The following SIRPA variants were observed in gnomAD, a reference collection of about 807,000 sequenced individuals.
The protein encoded by SIRPA is signal regulatory protein alpha.
In SIRPA, 9 loss-of-function variants were observed where a neutral mutation model predicts 50.3. That is an observed-to-expected ratio of 0.18 (90% CI 0.11 to 0.31). The LOEUF is 0.31. Ranked by LOEUF, SIRPA falls within the 10% of genes least tolerant of loss-of-function variation. SIRPA has a pLI of 1.00. For synonymous variants in SIRPA, 265 were observed against 284.1 expected (o/e 0.93, Z 0.68); for missense variants, 474 against 661.6 (o/e 0.72, Z 3.11).
chr20:1,937,509 G>A lies in SIRPA; in HGVS notation c.1456G>A (p.Ala486Thr), dbSNP rs751040166. ...CCTCAACCGGACCCCCAAGCAGCCG[G>A]CCCCCAAGCCTGAGCCGTCCTTCTC... is the stretch of plus-strand genomic sequence containing the variant. Reference protein sequence around the residue: ...VHLNRTPKQPAPKPEPSFSEY... With the variant: ...VHLNRTPKQPTPKPEPSFSEY... Residue 486 changes from alanine to threonine, a missense_variant, in exon 8 of 8, where the codon GCC becomes ACC. By Grantham distance (58) the Ala-to-Thr change is moderately conservative. Transcript: ENST00000358771. This position sits in a 1 kb window ranked among gnomAD's most constrained non-coding sequence, Gnocchi z 8.3. The A allele has an allele frequency of 5.0e-6, 8 of 1,613,970 alleles. No homozygotes were observed. Among genetic ancestry groups the A allele is most frequent in the East Asian group, 4.5e-5 (2 of 44,870 alleles).
Position 1,934,155 on chromosome 20 carries a change from T to C in SIRPA, c.1227-560T>C, listed in dbSNP as rs1986446310. Among the ~76,000 whole-genome samples, 1 of 152,142 alleles carries C rather than the reference T, an allele frequency of 6.6e-6. No homozygotes were observed. The highest frequency in any genetic ancestry group is 2.1e-4 in the South Asian group (1 of 4,818). On this transcript the variant is annotated intron_variant, in intron 6 of 7. Coordinates refer to ENST00000358771, the MANE Select transcript of SIRPA (RefSeq NM_001040023.2). This position sits in a 1 kb window ranked among gnomAD's most constrained non-coding sequence, Gnocchi z 4.6. ...GCAATTTTAACTTAAAAAAAAAACC[T>C]CCTCATAAACCTTTTAAATCTTTAT...
At chr20:1,901,178 T>G (rs1449663058) in intron 1 of SIRPA, among the ~76,000 whole-genome samples, 1 of 138,956 alleles carries the variant, frequency 7.2e-6, no homozygotes, top group African/African-American at 2.7e-5. Context: ...TTTTTTTTTT[T>G]TTTTTTTTTT....
chr20:1,922,502 G>T lies in SIRPA; in HGVS notation c.944G>T (p.Trp315Leu). Reference sequence around the variant, plus strand: ...GATGGTACCTACAACTGGATGAGCTGGCTCCTGGTGAATGTATCTGCCCAC... The same window carrying T: ...GATGGTACCTACAACTGGATGAGCTTGCTCCTGGTGAATGTATCTGCCCAC... Reference protein sequence around the residue: ...NKDGTYNWMSWLLVNVSAHRD... With the variant: ...NKDGTYNWMSLLLVNVSAHRD... The change falls in exon 4 of 8, where the codon TGG becomes TTG. Residue 315 changes from tryptophan (W) to leucine (L), a missense_variant. Transcript: ENST00000358771. 1 of 1,614,212 alleles carries T rather than the reference G, an allele frequency of 6.2e-7. No homozygotes were observed. The highest frequency in any genetic ancestry group is 2.2e-5 in the East Asian group (1 of 44,874).
chr20:1,929,067 T>C (rs1369672310), intron 6 of SIRPA, among the ~76,000 whole-genome samples: 1 of 152,166 alleles, frequency 6.6e-6, no homozygotes, highest in Admixed American at 6.5e-5. Context: ...GCCAATCTTT[T>C]GATGGTTTAG....
At chr20:1,895,059 CGGT>C (rs1983687819), upstream of SIRPA, among the ~76,000 whole-genome samples, 2 of 150,570 alleles carry the variant, frequency 1.3e-5, no homozygotes, top group Admixed American at 6.6e-5. Flanking sequence ...CGCGGTCTGT[CGGT>C]CTGCGCGCCG....
At chr20:1,903,417 A>T (rs1283167769) in intron 1 of SIRPA, among the ~76,000 whole-genome samples, 1 of 152,220 alleles carries the variant, frequency 6.6e-6, no homozygotes, top group African/African-American at 2.4e-5. Flanking sequence ...TTATGTGCAG[A>T]ACTAGGATTT....
Position 1,934,012 on chromosome 20 carries a change from G to T in SIRPA, c.1227-703G>T. 6.6e-6 allele frequency among the ~76,000 whole-genome samples: 1 copy of T among 152,110 alleles called. No individual in the cohort carries two copies. Among genetic ancestry groups the T allele is most frequent in the South Asian group, 2.1e-4 (1 of 4,824 alleles). ...CTAAAAAGGAGAAAAAAAATACCAT[G>T]CAAAGACCACTGCAGTTTGCATTTT... On this transcript the variant is annotated intron_variant, in intron 6 of 7. Coordinates refer to ENST00000358771, the MANE Select transcript of SIRPA (RefSeq NM_001040023.2). The surrounding 1 kb of genome is among the most constrained non-coding windows in gnomAD (Gnocchi z 4.6).
chr20:1,909,930 T>A (rs987947226), intron 1 of SIRPA, among the ~76,000 whole-genome samples: 2 of 152,186 alleles, frequency 1.3e-5, no homozygotes, highest in Admixed American at 6.5e-5. Context: ...TCAGCCCCCA[T>A]CTTATTGCAT....
At chr20:1,925,781 C>T (rs1985941717) in intron 5 of SIRPA, among the ~76,000 whole-genome samples, 1 of 152,196 alleles carries the variant, frequency 6.6e-6, no homozygotes, top group South Asian at 2.1e-4. Flanking sequence ...GGGTCTGACA[C>T]ATTCTAGGAT....
Position 1,927,603 on chromosome 20 carries a change from C to A in SIRPA, c.1202-272C>A, listed in dbSNP as rs924856785. 1.3e-5 allele frequency among the ~76,000 whole-genome samples: 2 copies of A among 152,160 alleles called. No individual in the cohort carries two copies. Among genetic ancestry groups the A allele is most frequent in the African/African-American group, 4.8e-5 (2 of 41,444 alleles). ...AGGTGAGACCCAGACAGAGGTAGGG[C>A]GGTTGTCGCCTCCCAGGCTGAAGGC... is the stretch of plus-strand genomic sequence containing the variant. On this transcript the variant is annotated intron_variant, in intron 5 of 7. Transcript: ENST00000358771. This position sits in a 1 kb window ranked among gnomAD's most constrained non-coding sequence, Gnocchi z 6.5.
chr20:1,926,604 C>T (rs1167386019), intron 5 of SIRPA, among the ~76,000 whole-genome samples: 2 of 152,210 alleles, frequency 1.3e-5, no homozygotes, highest in African/African-American at 4.8e-5. Flanking sequence ...TCCAATGTGC[C>T]AGGCACTGCT....
chr20:1,926,752 G>A (rs1249236596), intron 5 of SIRPA, among the ~76,000 whole-genome samples: 1 of 152,178 alleles, frequency 6.6e-6, no homozygotes, highest in African/African-American at 2.4e-5. Flanking sequence ...GCCAGGAGGT[G>A]GTGGGGCCAG....
chr20:1,922,608 A>C lies in SIRPA; in HGVS notation c.1050A>C (p.Ser350=). ...GCAAAAGCCATGACCTGAAGGTCTC[A>C]GCCCACCCGAAGGAGCAGGGCTCAA... ...AVSKSHDLKV[S]AHPKEQGSNT... The change falls in exon 4 of 8, where the codon TCA becomes TCC. Residue 350 remains serine (S), a synonymous_variant. Transcript: ENST00000358771. 6.2e-7 allele frequency: 1 copy of C among 1,613,722 alleles called. No individual in the cohort carries two copies. The highest frequency in any genetic ancestry group is 2.2e-5 in the East Asian group (1 of 44,886).
At chr20:1,900,173 T>C (rs1290357610) in intron 1 of SIRPA, among the ~76,000 whole-genome samples, 1 of 150,170 alleles carries the variant, frequency 6.7e-6, no homozygotes, top group Non-Finnish European at 1.5e-5. Flanking sequence ...TGATCTCGGC[T>C]CAACGCAACC....
chr20:1,925,755 G>A (rs1985940193), intron 5 of SIRPA, among the ~76,000 whole-genome samples: 1 of 152,138 alleles, frequency 6.6e-6, no homozygotes, highest in Non-Finnish European at 1.5e-5. Context: ...ATCCAAATAA[G>A]CCCATGTGAA....
intron 2 of SIRPA, among the ~76,000 whole-genome samples, chr20:1,920,460 C>T (rs1392495954): frequency 6.6e-6 from 1 of 152,190 alleles, no homozygotes; most frequent in Non-Finnish European, 1.5e-5. Context: ...CAGGGAGAAA[C>T]AGCCCGCGTT....
intron 1 of SIRPA, among the ~76,000 whole-genome samples, chr20:1,901,163 CTTTTTTTTTTTTT>C (rs869181595): frequency 2.9e-4 from 23 of 78,884 alleles, no homozygotes; most frequent in African/African-American, 9.0e-4. Context: ...TTCTTTCTTT[CTTTTTTTTTTTTT>C]TTTTTTTTTT....
chr20:1,933,090 TGGAGCATGCAAA>T lies in SIRPA; in HGVS notation c.1227-1622_1227-1611del, dbSNP rs1367899305. Among the ~76,000 whole-genome samples, 5 of 152,220 alleles carry T rather than the reference TGGAGCATGCAAA, an allele frequency of 3.3e-5. No homozygotes were observed. The highest frequency in any genetic ancestry group is 7.3e-5 in the Non-Finnish European group (5 of 68,028). On this transcript the variant is annotated intron_variant, in intron 6 of 7. Transcript: ENST00000358771. The surrounding 1 kb of genome is among the most constrained non-coding windows in gnomAD (Gnocchi z 4.4). Reference sequence around the variant, plus strand: ...TAAAGCAGATTAAGAGGCAGCAGCATGGAGCATGCAAAGGCCCTGGGGCAGCCTGACTGGCAT... The same window carrying T: ...TAAAGCAGATTAAGAGGCAGCAGCATGGCCCTGGGGCAGCCTGACTGGCAT...
rs1986664589 is a variant in SIRPA at position 1,937,594 on chromosome 20, C to A, written c.*26C>A. ...ATGGGACCGTGGTTTGCTCTAGCAC[C>A]CATCTCTACGCGCTTTCTTGTCCCA... On this transcript the variant is annotated 3_prime_UTR_variant, in exon 8 of 8. Coordinates refer to ENST00000358771, the MANE Select transcript of SIRPA (RefSeq NM_001040023.2). This position sits in a 1 kb window ranked among gnomAD's most constrained non-coding sequence, Gnocchi z 8.3. The A allele has an allele frequency of 1.2e-6, 2 of 1,609,562 alleles. No homozygotes were observed. The highest frequency in any genetic ancestry group is 1.7e-6 in the Non-Finnish European group (2 of 1,176,964).
Sources: allele counts gnomAD v4.1 joint callset (sites outside exome capture counted in the v4.1 genomes callset), GRCh38; gene constraint gnomAD v4.1.1; non-coding constraint Gnocchi (gnomAD v3.1); transcripts MANE v1.5; gene names NCBI Gene and HGNC (gene_info 2026-07-23, HGNC 2026-07-21).